The following NOCT variants were observed in gnomAD, a reference collection of about 807,000 sequenced individuals.
NOCT encodes the protein nocturnin.
In NOCT, 18 loss-of-function variants were observed where a neutral mutation model predicts 35.0. The ratio of observed to expected loss-of-function variants is 0.51; its 90% CI spans 0.36 to 0.76. The LOEUF (loss-of-function observed/expected upper bound fraction) is 0.76, where lower values mean the gene tolerates loss of function less well. Among genes scored for constraint, NOCT ranks in the 30% least tolerant of loss-of-function variants. The probability of loss-of-function intolerance (pLI) is 0.01; values close to 1 mark genes in which losing one functional copy is unlikely to be tolerated. For missense variants in NOCT, 479 were observed against 541.0 expected, an observed-to-expected ratio of 0.89 and a Z score of 1.14; for synonymous variants, 235 against 226.3, an observed-to-expected ratio of 1.04 and a Z score of -0.34.
chr4:139,029,601 CTTAGTTTA>C (rs1468961550), intron 1 of NOCT, among the ~76,000 whole-genome samples: 1 of 152,164 alleles, frequency 6.6e-6, no homozygotes, highest in East Asian at 1.9e-4. Flanking sequence ...TAACTTGGCA[CTTAGTTTA>C]TTTTTATTTT....
At chr4:139,044,498 A>T (rs1444204496) in intron 2 of NOCT, 141 bp from the exon 3 acceptor site, 2 of 608,212 alleles carry the variant, frequency 3.3e-6, no homozygotes, top group African/African-American at 3.7e-5. Context: ...TGGATGGGGT[A>T]ATACAGTTTG....
In NOCT at chr4:139,043,124, A is replaced by T. The variant is rs1265129329; in HGVS notation, c.241A>T (p.Thr81Ser). 6.2e-7 allele frequency: 1 copy of T among 1,613,912 alleles called. No individual in the cohort carries two copies. The highest frequency in any genetic ancestry group is 1.3e-5 in the African/African-American group (1 of 74,918). ...TSRLYSALAK[T>S]LNSSAASQHP... ...CAGACTCTATAGTGCTCTCGCCAAG[A>T]CACTGAACAGCAGCGCTGCCTCCCA... The change falls in exon 2 of 3, where the codon ACA becomes TCA. Residue 81 changes from threonine (T) to serine (S), a missense_variant. By Grantham distance (58) the Thr-to-Ser change is moderately conservative. This residue lies in a region of NOCT where 265 missense variants were observed against 257.0 expected (regional missense o/e 1.03). Transcript: ENST00000280614.
At chr4:139,040,927 GAA>G (rs1332835496) in intron 1 of NOCT, among the ~76,000 whole-genome samples, 1 of 151,980 alleles carries the variant, frequency 6.6e-6, no homozygotes, top group Non-Finnish European at 1.5e-5. Context: ...AGTACAAGAA[GAA>G]AGACTTTCAA....
In NOCT at chr4:139,016,043, G is replaced by C; in HGVS notation, c.62G>C (p.Arg21Pro). The change falls in exon 1 of 3, where the codon CGC (arginine) becomes CCC (proline). Residue 21 changes from arginine (R) to proline (P), a missense_variant. By Grantham distance (103) the Arg-to-Pro change is moderately radical. This residue lies in a region of NOCT where 265 missense variants were observed against 257.0 expected (regional missense o/e 1.03). Coordinates refer to ENST00000280614, the MANE Select transcript of NOCT (RefSeq NM_012118.4). ...CTGCAGAGGGACGCGCCCGGCCTGC[G>C]CCGCCTGCCCGCCCCAGGGCTGCGC... The part of the protein sequence containing the change: ...ALLQRDAPGL[R>P]RLPAPGLRRP... 1 of 1,390,466 alleles carries C rather than the reference G, an allele frequency of 7.2e-7. No individual in the cohort carries two copies. Among genetic ancestry groups the C allele is most frequent in the Non-Finnish European group, 9.3e-7 (1 of 1,071,250 alleles). 86.1% of individuals were successfully genotyped at this position (1,390,466 alleles called of 1,614,324 possible). A position where few individuals can be genotyped will look rare whatever the true frequency, so the allele number is the denominator to read the frequency against.
intron 1 of NOCT, among the ~76,000 whole-genome samples, chr4:139,020,668 A>G (rs1726391911): frequency 6.6e-6 from 1 of 152,156 alleles, no homozygotes; most frequent in Non-Finnish European, 1.5e-5. Context: ...GGATTCTTCC[A>G]AAAAGATTAG....
intron 1 of NOCT, 31 bp from the exon 2 acceptor site, chr4:139,043,043 G>T (rs1237589693): frequency 3.7e-5 from 57 of 1,559,672 alleles, no homozygotes; most frequent in Non-Finnish European, 4.9e-5. Flanking sequence ...AAAAGGAGCT[G>T]AGTGTGTAAC....
intron 1 of NOCT, among the ~76,000 whole-genome samples, chr4:139,026,029 T>C (rs1316850342): frequency 6.6e-6 from 1 of 152,216 alleles, no homozygotes; most frequent in Non-Finnish European, 1.5e-5. Context: ...AAACATCTTT[T>C]ATTGGTTTTA....
chr4:139,036,153 A>G (rs1726734340), intron 1 of NOCT, among the ~76,000 whole-genome samples: 1 of 152,328 alleles, frequency 6.6e-6, no homozygotes, highest in East Asian at 1.9e-4. Context: ...TAGAAAGAAC[A>G]GAAGCTCCAT....
chr4:139,019,268 C>T (rs767782979), intron 1 of NOCT, among the ~76,000 whole-genome samples: 6 of 152,114 alleles, frequency 3.9e-5, no homozygotes, highest in African/African-American at 9.7e-5. Context: ...TGCCCGGGCT[C>T]GTCTCAAACT....
intron 2 of NOCT, chr4:139,043,611 A>ATTTT (rs1301503358): frequency 8.8e-6 from 3 of 342,712 alleles, no homozygotes; most frequent in African/African-American, 6.3e-5. Context: ...ACCACGAGTT[A>ATTTT]CTTGCTTTAA....
intron 1 of NOCT, among the ~76,000 whole-genome samples, chr4:139,032,494 T>C (rs2148645057): frequency 6.6e-6 from 1 of 152,150 alleles, no homozygotes; most frequent in South Asian, 2.1e-4. Context: ...GTCTCTACTT[T>C]TTTAAAAAAA....
chr4:139,031,937 TC>T, intron 1 of NOCT, among the ~76,000 whole-genome samples: 1 of 152,198 alleles, frequency 6.6e-6, no homozygotes, highest in East Asian at 1.9e-4. Context: ...CGTCTCGAAC[TC>T]CTAACTTCAG....
At chr4:139,024,835 C>G (rs1475755414) in intron 1 of NOCT, among the ~76,000 whole-genome samples, 1 of 152,192 alleles carries the variant, frequency 6.6e-6, no homozygotes, top group Admixed American at 6.5e-5. Flanking sequence ...AACTGCTGAG[C>G]TCAAGTGATC....
chr4:139,035,248 G>C (rs112730305), intron 1 of NOCT, among the ~76,000 whole-genome samples: 2,554 of 152,058 alleles, frequency 0.017, 65 homozygotes, highest in African/African-American at 0.057. Flanking sequence ...TCAGCCTCCC[G>C]AATAGCTGGG....
Position 139,016,180 on chromosome 4 carries a change from A to G in NOCT, c.190+9A>G, listed in dbSNP as rs898848357. On this transcript the variant is annotated intron_variant, in intron 1 of 2. Coordinates refer to ENST00000280614, the MANE Select transcript of NOCT (RefSeq NM_012118.4). Reference sequence around the variant, plus strand: ...GTCGTGTTCCCGAACAGGTGAGTGCACCCCAGTTCCGGGCGGAGAACGCCA... The same window carrying G: ...GTCGTGTTCCCGAACAGGTGAGTGCGCCCCAGTTCCGGGCGGAGAACGCCA... 8.1e-7 allele frequency: 1 copy of G among 1,235,946 alleles called. No individual in the cohort carries two copies. The highest frequency in any genetic ancestry group is 1.0e-6 in the Non-Finnish European group (1 of 988,506). The allele number at this position is 1,235,946 out of a possible 1,614,324, so 76.6% of individuals were successfully genotyped here.
At chr4:139,021,477 G>T (rs548600682) in intron 1 of NOCT, among the ~76,000 whole-genome samples, 30 of 152,136 alleles carry the variant, frequency 2.0e-4, no homozygotes, top group Admixed American at 3.3e-4. Context: ...AATGAGCTGG[G>T]CGTGGTGGCA....
chr4:139,028,211 T>C (rs1402027432), intron 1 of NOCT: 2 of 152,290 alleles, frequency 1.3e-5, no homozygotes, highest in African/African-American at 4.8e-5. Context: ...CAGTCGAACA[T>C]GTTAAACTAA....
At chr4:139,025,669 C>T (rs1161816879) in intron 1 of NOCT, among the ~76,000 whole-genome samples, 2 of 152,002 alleles carry the variant, frequency 1.3e-5, no homozygotes, top group South Asian at 2.1e-4. Flanking sequence ...TGCGTGGTGG[C>T]GGGTGCCTGT....
At chr4:139,021,443 A>T (rs1726411585) in intron 1 of NOCT, among the ~76,000 whole-genome samples, 1 of 151,692 alleles carries the variant, frequency 6.6e-6, no homozygotes, top group South Asian at 2.1e-4. Context: ...ACATGGAGAA[A>T]CCCCATTTCT....
Sources: gnomAD v4.1 joint callset for allele counts (sites outside exome capture counted in the v4.1 genomes callset) on GRCh38, gnomAD v4.1.1 for gene constraint, gnomAD v4.1.1 regional missense constraint, MANE v1.5 for transcripts, NCBI Gene and HGNC (gene_info 2026-07-23, HGNC 2026-07-21) for gene names.